SEC14L4: variants seen among roughly 807,000 people sequenced by gnomAD.
SEC14L4 encodes SEC14-like protein 4.
SEC14L4 carries 42 observed loss-of-function variants against 55.1 expected under a neutral mutation model. That is an observed-to-expected ratio of 0.76 (90% CI 0.60 to 0.99). SEC14L4 has a LOEUF of 0.99. Among genes scored for constraint, SEC14L4 ranks in the 50% least tolerant of loss-of-function variants. The probability of loss-of-function intolerance (pLI) is 0.00; values close to 1 mark genes in which losing one functional copy is unlikely to be tolerated. For missense variants in SEC14L4, 445 were observed against 512.1 expected (o/e 0.87, Z 1.27); for synonymous variants, 206 against 206.8 (o/e 1.00, Z 0.03).
chr22:30,497,340 AAACAAC>A (rs561503509), intron 2 of SEC14L4, among the ~76,000 whole-genome samples: 29 of 151,276 alleles, frequency 1.9e-4, no homozygotes, highest in Admixed American at 3.3e-4. Flanking sequence ...ACTTCATCTC[AAACAAC>A]AACAACAACA....
At chr22:30,494,094 G>T in intron 7 of SEC14L4, 56 bp downstream of exon 7, 1 of 1,308,712 alleles carries the variant, frequency 7.6e-7, no homozygotes, top group Non-Finnish European at 1.1e-6. Flanking sequence ...CTTACCTACT[G>T]TACCCCCAAT....
intron 5 of SEC14L4, 88 bp from the exon 6 acceptor site, chr22:30,495,049 C>G: frequency 8.2e-7 from 1 of 1,221,740 alleles, no homozygotes; most frequent in South Asian, 1.3e-5. Context: ...CCCCACCTTC[C>G]TGCCATCCCA....
intron 7 of SEC14L4, 31 bp downstream of exon 7, chr22:30,494,118 TC>T: frequency 6.4e-7 from 1 of 1,550,908 alleles, no homozygotes; most frequent in Non-Finnish European, 8.9e-7. Context: ...TGCTTCTCCC[TC>T]CCCAGGAGGT....
intron 2 of SEC14L4, among the ~76,000 whole-genome samples, chr22:30,496,566 C>CCA (rs1037463771): frequency 6.6e-6 from 1 of 152,070 alleles, no homozygotes; most frequent in African/African-American, 2.4e-5. Context: ...GAGACACCCC[C>CCA]CCCCACCACC....
intron 7 of SEC14L4, among the ~76,000 whole-genome samples, chr22:30,493,533 C>T (rs1936036401): frequency 6.6e-6 from 1 of 152,156 alleles, no homozygotes; most frequent in South Asian, 2.1e-4. Context: ...GGACCATTCC[C>T]GCTCAAAGTG....
At position 30,490,233 on chromosome 22, in the gene SEC14L4, G is replaced by C. The variant is rs750192002; in HGVS notation, c.1095C>G (p.Phe365Leu). Residue 365 changes from phenylalanine to leucine, a missense_variant, in exon 12 of 12, where the codon TTC (phenylalanine) becomes TTG (leucine). Phe to Leu is a conservative substitution (Grantham distance 22). Coordinates refer to ENST00000255858, the MANE Select transcript of SEC14L4 (RefSeq NM_174977.4). ...CATGCATCCGGCTGTAGGTGTTGTC[G>C]AAGCGCAGGACATCTGCAGTGATGG... ...CLQAGVYVLR[F>L]DNTYSRMHAK... is the part of the protein sequence containing the mutation. The C allele has an allele frequency of 6.2e-7, 1 of 1,613,516 alleles. No homozygotes were observed. Among genetic ancestry groups the C allele is most frequent in the South Asian group, 1.1e-5 (1 of 91,090 alleles).
intron 1 of SEC14L4, among the ~76,000 whole-genome samples, chr22:30,505,131 C>CA (rs528308322): frequency 0.093 from 6,403 of 68,876 alleles, 188 homozygotes; most frequent in Middle Eastern, 0.19. Flanking sequence ...GACTCCATCT[C>CA]AAAAAAAAAA....
Position 30,491,926 on chromosome 22 carries a change from C to T in SEC14L4, c.819G>A (p.Gln273=), listed in dbSNP as rs1377603126. The change falls in exon 10 of 12, where the codon CAG becomes CAA. Residue 273 remains glutamine, a synonymous_variant. Coordinates refer to ENST00000255858, the MANE Select transcript of SEC14L4 (RefSeq NM_174977.4). ...TCGTGTGCTCATACTGCAGCCTCAC[C>T]TGCTCGCACAGGTAGTAGCTCTTGG... ...EVPKSYYLCE[Q]VRLQYEHTRS... is the part of the protein sequence containing the mutation. The T allele has an allele frequency of 1.2e-6, 2 of 1,613,904 alleles. No homozygotes were observed. The highest frequency in any genetic ancestry group is 1.3e-5 in the African/African-American group (1 of 74,926).
intron 2 of SEC14L4, among the ~76,000 whole-genome samples, chr22:30,500,098 G>A (rs147907297): frequency 3.9e-5 from 6 of 151,984 alleles, no homozygotes; most frequent in East Asian, 1.9e-4. Flanking sequence ...TCGAACTCCC[G>A]ACCTCAGGTG....
chr22:30,492,217 G>A, intron 8 of SEC14L4, 62 bp from the exon 9 acceptor site: 1 of 1,557,882 alleles, frequency 6.4e-7, no homozygotes, highest in South Asian at 1.2e-5. Context: ...GGGCAGAGGG[G>A]GCTGAGCTTG....
At chr22:30,501,846 C>CACATATATATATAT (rs1371947748) in intron 2 of SEC14L4, among the ~76,000 whole-genome samples, 6 of 111,910 alleles carry the variant, frequency 5.4e-5, no homozygotes, top group African/African-American at 2.1e-4. Flanking sequence ...CACACACGCA[C>CACATATATATATAT]ATATATATAT....
chr22:30,490,111 T>G lies in SEC14L4; in HGVS notation c.1217A>C (p.Gln406Pro). 1 of 1,613,806 alleles carries G rather than the reference T, an allele frequency of 6.2e-7. No homozygotes were observed. The highest frequency in any genetic ancestry group is 8.5e-7 in the Non-Finnish European group (1 of 1,179,822). Reference sequence around the variant, plus strand: ...AGGTAGAGGTGGCTGGGGTCTTCACTGTGTTGGGGAGGGTCTCATCGCCTT... The same window carrying G: ...AGGTAGAGGTGGCTGGGGTCTTCACGGTGTTGGGGAGGGTCTCATCGCCTT... ...SLKAMRPSPT[Q>P] The change falls in exon 12 of 12, where the codon CAG (glutamine) becomes CCG (proline). Residue 406 changes from glutamine to proline, a missense_variant. Coordinates refer to ENST00000255858, the MANE Select transcript of SEC14L4 (RefSeq NM_174977.4).
intron 6 of SEC14L4, among the ~76,000 whole-genome samples, chr22:30,494,624 C>T (rs148640723): frequency 2.0e-5 from 3 of 152,338 alleles, no homozygotes; most frequent in Admixed American, 6.5e-5. Flanking sequence ...ATCTTCCCAC[C>T]TTGGCTTCCC....
chr22:30,492,376 G>A lies in SEC14L4; in HGVS notation c.664+98C>T. The stretch of plus-strand genomic sequence containing the variant: ...GCTCACCAGGGTCAGGCCAGGGGTA[G>A]TGCCCGAGTAGAGGACGAGCCAGGG... On this transcript the variant is annotated intron_variant, in intron 8 of 11. Transcript: ENST00000255858. 4.0e-6 allele frequency: 5 copies of A among 1,248,782 alleles called. No homozygotes were observed. The South Asian group carries it at 6.3e-5, about 16-fold the overall frequency. 77.4% of individuals were successfully genotyped at this position (1,248,782 alleles called of 1,614,324 possible).
intron 1 of SEC14L4, among the ~76,000 whole-genome samples, chr22:30,504,047 ATAT>A (rs3067219): frequency 0.69 from 98,784 of 143,696 alleles, 34,830 homozygotes; most frequent in East Asian, 0.86. Context: ...TATTATTTTT[ATAT>A]TATTATTATT....
At chr22:30,503,989 A>G (rs1248269324) in intron 1 of SEC14L4, among the ~76,000 whole-genome samples, 1 of 151,862 alleles carries the variant, frequency 6.6e-6, no homozygotes, top group Non-Finnish European at 1.5e-5. Context: ...CCCATTCTAC[A>G]TGTCTAAGGT....
At chr22:30,499,596 G>A (rs1021500421) in intron 2 of SEC14L4, among the ~76,000 whole-genome samples, 2 of 151,364 alleles carry the variant, frequency 1.3e-5, no homozygotes, top group African/African-American at 4.8e-5. Context: ...AAAATTAGCT[G>A]AGTGTGGTGG....
chr22:30,490,843 AGG>A (rs1935928771), intron 11 of SEC14L4, among the ~76,000 whole-genome samples: 2 of 152,164 alleles, frequency 1.3e-5, no homozygotes, highest in Non-Finnish European at 2.9e-5. Flanking sequence ...GTCCCAACCC[AGG>A]GAGGAGCCCT....
intron 7 of SEC14L4, among the ~76,000 whole-genome samples, chr22:30,493,884 A>T (rs2146173044): frequency 6.6e-6 from 1 of 152,220 alleles, no homozygotes; most frequent in Non-Finnish European, 1.5e-5. Flanking sequence ...TGCACCTGTA[A>T]TCCCAGCTAC....
Sources: allele counts gnomAD v4.1 joint callset (sites outside exome capture counted in the v4.1 genomes callset), GRCh38; gene constraint gnomAD v4.1.1; transcripts MANE v1.5; gene names NCBI Gene and HGNC (gene_info 2026-07-23, HGNC 2026-07-21).